The following FRMD5 variants were observed in gnomAD, a reference collection of about 807,000 sequenced individuals.
FRMD5 encodes the protein FERM domain containing 5.
In FRMD5, 20 loss-of-function variants were observed where a neutral mutation model predicts 69.0. The ratio of observed to expected loss-of-function variants is 0.29; its 90% CI spans 0.20 to 0.42. The LOEUF (loss-of-function observed/expected upper bound fraction) is 0.42. FRMD5 is among the 10% of genes least tolerant of loss of function. The pLI, the probability that FRMD5 is intolerant of heterozygous loss-of-function variation, is 1.00. For missense variants in FRMD5, 595 were observed against 708.6 expected (o/e 0.84, Z 1.82); for synonymous variants, 271 against 260.1 (o/e 1.04, Z -0.40).
intron 1 of FRMD5, among the ~76,000 whole-genome samples, chr15:44,084,624 T>C (rs1459225574): frequency 6.6e-6 from 1 of 152,148 alleles, no homozygotes; most frequent in Non-Finnish European, 1.5e-5. Context: ...ATAGACCTTC[T>C]AATACTGGAG....
chr15:44,037,469 C>CTTTTTTT (rs777164587), intron 1 of FRMD5, among the ~76,000 whole-genome samples: 4 of 137,552 alleles, frequency 2.9e-5, no homozygotes, highest in Non-Finnish European at 3.2e-5. Flanking sequence ...TGTCTTTTCT[C>CTTTTTTT]TTTTTTTTTT....
intron 1 of FRMD5, among the ~76,000 whole-genome samples, chr15:44,031,434 G>A (rs902528863): frequency 1.3e-5 from 2 of 152,154 alleles, no homozygotes; most frequent in Non-Finnish European, 2.9e-5. Flanking sequence ...GAGAATCTAA[G>A]ATTAAGGTGC....
At chr15:43,964,500 C>CAAAAAAAAAAAAAA (rs59698503) in intron 1 of FRMD5, among the ~76,000 whole-genome samples, 1 of 129,682 alleles carries the variant, frequency 7.7e-6, no homozygotes, top group African/African-American at 2.9e-5. Context: ...AACAAACAAA[C>CAAAAAAAAAAAAAA]AAAAAAAAAA....
At chr15:43,947,675 G>T (rs2089967785) in intron 1 of FRMD5, among the ~76,000 whole-genome samples, 1 of 152,178 alleles carries the variant, frequency 6.6e-6, no homozygotes, top group South Asian at 2.1e-4. Context: ...AGGGAGGAAT[G>T]CCACACCCAG....
chr15:43,938,786 A>AAAATG (rs1000754543), intron 1 of FRMD5, among the ~76,000 whole-genome samples: 1 of 152,230 alleles, frequency 6.6e-6, no homozygotes, highest in African/African-American at 2.4e-5. Flanking sequence ...TATGAAGCAA[A>AAAATG]AAATGAGCAG....
chr15:43,975,097 G>A (rs574878494), intron 1 of FRMD5, among the ~76,000 whole-genome samples: 1 of 152,204 alleles, frequency 6.6e-6, no homozygotes, highest in Non-Finnish European at 1.5e-5. Context: ...GAGCAGATTA[G>A]CTTAGCAAAA....
chr15:43,902,623 G>A (rs145918550), intron 6 of FRMD5, among the ~76,000 whole-genome samples: 1 of 149,734 alleles, frequency 6.7e-6, no homozygotes, highest in South Asian at 2.1e-4. Flanking sequence ...CCAGGAGTGC[G>A]AGGTTTCAGT....
intron 1 of FRMD5, among the ~76,000 whole-genome samples, chr15:44,017,325 G>A (rs1254055846): frequency 2.0e-5 from 3 of 151,118 alleles, no homozygotes; most frequent in Non-Finnish European, 4.4e-5. Context: ...GTGAAAAAGC[G>A]AGACTCTGTC....
At chr15:44,073,542 A>G (rs765000828) in intron 1 of FRMD5, among the ~76,000 whole-genome samples, 1 of 152,226 alleles carries the variant, frequency 6.6e-6, no homozygotes, top group Non-Finnish European at 1.5e-5. Flanking sequence ...AGAAATGCAA[A>G]ACATCATGGA....
chr15:44,162,545 C>A (rs1311692251), intron 1 of FRMD5, among the ~76,000 whole-genome samples: 17 of 152,066 alleles, frequency 1.1e-4, no homozygotes, highest in South Asian at 2.1e-4. Flanking sequence ...TGCCTCCAGG[C>A]TGAAAATTTA....
chr15:44,127,462 T>G (rs180973505), intron 1 of FRMD5, among the ~76,000 whole-genome samples: 1 of 152,176 alleles, frequency 6.6e-6, no homozygotes, highest in Non-Finnish European at 1.5e-5. Context: ...GTCTTCAGTG[T>G]TCATTTCAGA....
At chr15:44,107,505 A>T (rs1173000450) in intron 1 of FRMD5, among the ~76,000 whole-genome samples, 2 of 152,122 alleles carry the variant, frequency 1.3e-5, no homozygotes. Context: ...TCTTTATTAC[A>T]CATCTCTTCT....
At chr15:44,110,008 T>C (rs1239005964) in intron 1 of FRMD5, among the ~76,000 whole-genome samples, 1 of 152,240 alleles carries the variant, frequency 6.6e-6, no homozygotes, top group Non-Finnish European at 1.5e-5. Flanking sequence ...AAGTGTACCA[T>C]GGTTTATTTA....
chr15:44,041,334 C>G (rs888592614), intron 1 of FRMD5, among the ~76,000 whole-genome samples: 6 of 152,148 alleles, frequency 3.9e-5, no homozygotes, highest in Non-Finnish European at 8.8e-5. Context: ...GAACTCAGCT[C>G]TGGACCAAGG....
chr15:43,967,475 C>T (rs147324366), intron 1 of FRMD5, among the ~76,000 whole-genome samples: 441 of 152,206 alleles, frequency 2.9e-3, no homozygotes, highest in South Asian at 0.012. Flanking sequence ...TCATGATCTG[C>T]CCACCTCGAC....
At chr15:44,031,751 T>C (rs1435451863) in intron 1 of FRMD5, among the ~76,000 whole-genome samples, 1 of 152,206 alleles carries the variant, frequency 6.6e-6, no homozygotes. Flanking sequence ...GTGGCTATTT[T>C]CATGATATTC....
intron 1 of FRMD5, among the ~76,000 whole-genome samples, chr15:44,064,516 G>A (rs985998400): frequency 6.6e-6 from 1 of 152,108 alleles, no homozygotes; most frequent in Non-Finnish European, 1.5e-5. Context: ...TTGAACTCGG[G>A]ATGCGGAGGG....
chr15:43,979,252 T>C (rs983163997), intron 1 of FRMD5, among the ~76,000 whole-genome samples: 2 of 151,992 alleles, frequency 1.3e-5, no homozygotes, highest in African/African-American at 4.8e-5. Context: ...GCAGAACTGC[T>C]TGAACCTGGG....
intron 1 of FRMD5, among the ~76,000 whole-genome samples, chr15:43,988,094 G>C (rs2083288419): frequency 6.6e-6 from 1 of 152,164 alleles, no homozygotes; most frequent in South Asian, 2.1e-4. Context: ...GATCTGACAG[G>C]AGGTGGAACT....
Sources: gnomAD v4.1 joint callset for allele counts (sites outside exome capture counted in the v4.1 genomes callset) on GRCh38, gnomAD v4.1.1 for gene constraint, MANE v1.5 for transcripts, NCBI Gene and HGNC (gene_info 2026-07-23, HGNC 2026-07-21) for gene names.